Variants in RAP1GAP2 observed in about 807,000 individuals in gnomAD.
The protein encoded by RAP1GAP2 is rap1 GTPase-activating protein 2.
Under a neutral mutation model 95.0 loss-of-function variants are expected in RAP1GAP2, and 27 were observed. The ratio of observed to expected loss-of-function variants is 0.28; its 90% CI spans 0.21 to 0.39. The LOEUF (loss-of-function observed/expected upper bound fraction) is 0.39, where lower values mean the gene tolerates loss of function less well. RAP1GAP2 is among the 10% of genes least tolerant of loss of function. RAP1GAP2 has a pLI of 1.00. For missense variants in RAP1GAP2, 771 were observed against 970.0 expected (o/e 0.79, Z 2.72); for synonymous variants, 373 against 380.9 (o/e 0.98, Z 0.24).
intron 2 of RAP1GAP2, among the ~76,000 whole-genome samples, chr17:2,835,478 C>T (rs1472003810): frequency 2.0e-5 from 3 of 152,248 alleles, no homozygotes; most frequent in African/African-American, 7.2e-5. Flanking sequence ...GCCTCAGCCT[C>T]CCACAGTGCT....
chr17:2,978,212 A>G (rs113840608), intron 8 of RAP1GAP2, among the ~76,000 whole-genome samples: 25 of 152,212 alleles, frequency 1.6e-4, no homozygotes, highest in African/African-American at 6.0e-4. Context: ...TTCTTTCCTT[A>G]TTAAGAACTT....
intron 8 of RAP1GAP2, among the ~76,000 whole-genome samples, chr17:2,971,089 C>T (rs2044849368): frequency 6.6e-6 from 1 of 152,188 alleles, no homozygotes; most frequent in Non-Finnish European, 1.5e-5. Context: ...ATGTAACTAA[C>T]TTACTTGTAG....
intron 2 of RAP1GAP2, among the ~76,000 whole-genome samples, chr17:2,807,961 G>A (rs2069592773): frequency 6.6e-6 from 1 of 152,188 alleles, no homozygotes; most frequent in Non-Finnish European, 1.5e-5. Context: ...TGCGCCCTGG[G>A]GTGAGGCCTC....
At chr17:2,953,970 C>T (rs2044013956) in intron 3 of RAP1GAP2, among the ~76,000 whole-genome samples, 1 of 152,214 alleles carries the variant, frequency 6.6e-6, no homozygotes, top group Non-Finnish European at 1.5e-5. Context: ...AAATCCGTAC[C>T]TTTTAGCTAT....
At chr17:2,852,793 G>C (rs888389420) in intron 2 of RAP1GAP2, among the ~76,000 whole-genome samples, 4 of 152,094 alleles carry the variant, frequency 2.6e-5, no homozygotes, top group Non-Finnish European at 4.4e-5. Context: ...GGCAGCACCT[G>C]GAAGTGGATG....
intron 2 of RAP1GAP2, among the ~76,000 whole-genome samples, chr17:2,850,044 A>G (rs1301489967): frequency 8.3e-6 from 1 of 119,888 alleles, no homozygotes; most frequent in Non-Finnish European, 1.6e-5. Flanking sequence ...TCTGTTGCCC[A>G]GGCTGGAGTG....
At position 3,018,213 on chromosome 17, in the gene RAP1GAP2, G is replaced by A. The variant is rs1257416227; in HGVS notation, c.1632+15G>A. On this transcript the variant is annotated intron_variant, in intron 18 of 24. Transcript: ENST00000254695. ...CCACCTTCTCGGTGAGTGCTGGCAG[G>A]CCCCGGGGCGGCAAGTGGGTCCCAG... 3.9e-6 allele frequency: 6 copies of A among 1,546,852 alleles called. No individual in the cohort carries two copies. The highest frequency in any genetic ancestry group is 2.8e-5 in the African/African-American group (2 of 72,244).
chr17:2,969,968 ATAATTTATT>A (rs1421003604), intron 8 of RAP1GAP2, among the ~76,000 whole-genome samples: 5 of 151,978 alleles, frequency 3.3e-5, no homozygotes. Flanking sequence ...TGGATGTGAA[ATAATTTATT>A]TAATACATCC....
In RAP1GAP2 at chr17:3,018,192, C is replaced by A; in HGVS notation, c.1626C>A (p.Thr542=). 2 of 1,568,714 alleles carry A rather than the reference C, an allele frequency of 1.3e-6. No homozygotes were observed. The highest frequency in any genetic ancestry group is 1.7e-6 in the Non-Finnish European group (2 of 1,157,806). Residue 542 remains threonine, a synonymous_variant, in exon 18 of 25, where the codon ACC becomes ACA. Coordinates refer to ENST00000254695, the MANE Select transcript of RAP1GAP2 (RefSeq NM_015085.5). ...SHNSMEVTKT[T]FSPPVVAATV... is the part of the protein sequence containing the mutation. ...ACAGCATGGAGGTCACCAAGACCACCTTCTCGGTGAGTGCTGGCAGGCCCC... is the reference window on the plus strand; with the variant it reads ...ACAGCATGGAGGTCACCAAGACCACATTCTCGGTGAGTGCTGGCAGGCCCC...
In RAP1GAP2 at chr17:3,026,999, C is replaced by T. The variant is rs1267966816; in HGVS notation, c.2036C>T (p.Pro679Leu). The change falls in exon 22 of 25, where the codon CCG becomes CTG. Residue 679 changes from proline (P) to leucine (L), a missense_variant. Coordinates refer to ENST00000254695, the MANE Select transcript of RAP1GAP2 (RefSeq NM_015085.5). ...PFKQEVFVYSPSPSSESPSLG... is the reference protein window; with the variant it reads ...PFKQEVFVYSLSPSSESPSLG... The stretch of plus-strand genomic sequence containing the variant: ...AAGCAGGAGGTGTTTGTCTACAGCC[C>T]GTCCCCGAGCAGCGAGAGCCCCAGC... 20 of 1,560,636 alleles carry T rather than the reference C, an allele frequency of 1.3e-5. No homozygotes were observed. The highest frequency in any genetic ancestry group is 1.9e-5 in the Admixed American group (1 of 52,186).
chr17:2,850,859 G>A (rs775605390), intron 2 of RAP1GAP2, among the ~76,000 whole-genome samples: 1 of 151,766 alleles, frequency 6.6e-6, no homozygotes, highest in African/African-American at 2.4e-5. Flanking sequence ...TCAGGAGTTC[G>A]AGATCAGCCT....
At chr17:2,947,239 A>T (rs545012685) in intron 3 of RAP1GAP2, among the ~76,000 whole-genome samples, 1 of 140,366 alleles carries the variant, frequency 7.1e-6, no homozygotes, top group Non-Finnish European at 1.5e-5. Flanking sequence ...GAAGGGAAAG[A>T]GGAGCAAGCA....
intron 13 of RAP1GAP2, among the ~76,000 whole-genome samples, chr17:2,995,828 C>T (rs866464100): frequency 6.6e-6 from 1 of 152,138 alleles, no homozygotes; most frequent in South Asian, 2.1e-4. Flanking sequence ...AGCCTGGGGG[C>T]CCTGGTCATA....
chr17:2,921,814 C>T (rs1276351420), intron 3 of RAP1GAP2, among the ~76,000 whole-genome samples: 4 of 152,144 alleles, frequency 2.6e-5, no homozygotes, highest in Non-Finnish European at 4.4e-5. Flanking sequence ...CCTTGCCTGC[C>T]TCTTCCAGCG....
chr17:2,765,893 C>T (rs551393842), intron 1 of RAP1GAP2, among the ~76,000 whole-genome samples: 21 of 152,230 alleles, frequency 1.4e-4, no homozygotes, highest in East Asian at 7.7e-4. Context: ...TGCTTGAACC[C>T]GGGAGGTGGA....
intron 2 of RAP1GAP2, among the ~76,000 whole-genome samples, chr17:2,814,779 G>A (rs191982846): frequency 5.0e-4 from 76 of 152,236 alleles, no homozygotes; most frequent in African/African-American, 1.7e-3. Context: ...GGGTGGAGTG[G>A]GCGGAAATCC....
At chr17:2,980,664 A>T (rs539798392) in intron 9 of RAP1GAP2, among the ~76,000 whole-genome samples, 1 of 152,232 alleles carries the variant, frequency 6.6e-6, no homozygotes, top group South Asian at 2.1e-4. Context: ...AAGTAGAAAG[A>T]CGGGGCTGGA....
At chr17:2,814,739 C>T (rs573430786) in intron 2 of RAP1GAP2, among the ~76,000 whole-genome samples, 6 of 152,264 alleles carry the variant, frequency 3.9e-5, no homozygotes, top group African/African-American at 9.6e-5. Context: ...TACCACCCCC[C>T]CCAACCCCAA....
At chr17:2,935,795 C>T (rs988138893) in intron 3 of RAP1GAP2, among the ~76,000 whole-genome samples, 17 of 152,176 alleles carry the variant, frequency 1.1e-4, no homozygotes, top group Middle Eastern at 3.2e-3. Context: ...GGCCGGTGAC[C>T]GGGCTGGGAT....
Sources: gnomAD v4.1 joint callset for allele counts (sites outside exome capture counted in the v4.1 genomes callset) on GRCh38, gnomAD v4.1.1 for gene constraint, MANE v1.5 for transcripts, NCBI Gene and HGNC (gene_info 2026-07-23, HGNC 2026-07-21) for gene names.